The following CHGB variants were observed in gnomAD, a reference collection of about 807,000 sequenced individuals.
The protein encoded by CHGB is secretogranin-1.
Under a neutral mutation model 69.9 loss-of-function variants are expected in CHGB, and 46 were observed. The observed-to-expected ratio is 0.66, with a 90% CI of 0.52 to 0.84. The LOEUF (loss-of-function observed/expected upper bound fraction) is 0.84, where lower values mean the gene tolerates loss of function less well. CHGB is among the 40% of genes least tolerant of loss of function. The probability of loss-of-function intolerance (pLI) is 0.00; values close to 1 mark genes in which losing one functional copy is unlikely to be tolerated. For synonymous variants in CHGB, 312 were observed against 298.2 expected, an observed-to-expected ratio of 1.05 and a Z score of -0.48; for missense variants, 796 against 822.2, an observed-to-expected ratio of 0.97 and a Z score of 0.39.
chr20:5,914,691 G>A (rs942756136), intron 1 of CHGB: 1 of 152,192 alleles, frequency 6.6e-6, no homozygotes, highest in Non-Finnish European at 1.5e-5. Context: ...TTCTCAAGTA[G>A]CCATTTGGAG....
chr20:5,922,467 G>T lies in CHGB; in HGVS notation c.323G>T (p.Gly108Val). Residue 108 changes from glycine (G) to valine (V), a missense_variant, in exon 4 of 5, where the codon GGG (glycine) becomes GTG (valine). Gly to Val is a moderately radical substitution (Grantham distance 109). This residue lies in a region of CHGB where 518 missense variants were observed against 506.3 expected (regional missense o/e 1.02). Coordinates refer to ENST00000378961, the MANE Select transcript of CHGB (RefSeq NM_001819.3). Reference protein sequence around the residue: ...SSSRGEAGAPGEEDIQGPTKA... With the variant: ...SSSRGEAGAPVEEDIQGPTKA... The stretch of plus-strand genomic sequence containing the variant: ...AGCAGGGGAGAGGCAGGAGCCCCAG[G>T]GGAGGAGGACATCCAAGGCCCAACA... 6.2e-7 allele frequency: 1 copy of T among 1,613,732 alleles called. No homozygotes were observed. The highest frequency in any genetic ancestry group is 8.5e-7 in the Non-Finnish European group (1 of 1,179,708).
At chr20:5,911,985 G>A (rs1008575691) in intron 1 of CHGB, among the ~76,000 whole-genome samples, 5 of 152,286 alleles carry the variant, frequency 3.3e-5, no homozygotes, top group African/African-American at 1.2e-4. Flanking sequence ...CTCACATTTT[G>A]TATTCGCTTC....
intron 1 of CHGB, among the ~76,000 whole-genome samples, chr20:5,915,252 A>T (rs2088468811): frequency 6.6e-6 from 1 of 152,248 alleles, no homozygotes; most frequent in South Asian, 2.1e-4. Context: ...GAAAAATTAA[A>T]ATTACCTGAA....
rs546454786 is a variant in CHGB at position 5,918,110 on chromosome 20, T to C, written c.190+1191T>C. ...TGCAGTGAGCCAAGATTGAACTCCA[T>C]TGAACTCCAGCCTGGGCAACAAGAG... On this transcript the variant is annotated intron_variant, in intron 3 of 4. Coordinates refer to ENST00000378961, the MANE Select transcript of CHGB (RefSeq NM_001819.3). 757 of 124,000 alleles carry C rather than the reference T, an allele frequency of 6.1e-3. 13 individuals are homozygous for C. Among genetic ancestry groups the C allele is most frequent in the African/African-American group, 0.023 (734 of 31,978 alleles). The allele number at this position is 124,000 out of a possible 1,614,324, so 7.7% of individuals were successfully genotyped here. A position where few individuals can be genotyped will look rare whatever the true frequency, so the allele number is the denominator to read the frequency against.
In CHGB at chr20:5,925,154, A is replaced by T; in HGVS notation, c.*105A>T. 1.5e-6 allele frequency: 1 copy of T among 663,652 alleles called. No individual in the cohort carries two copies. Among genetic ancestry groups the T allele is most frequent in the Non-Finnish European group, 2.6e-6 (1 of 382,730 alleles). The allele number at this position is 663,652 out of a possible 1,614,324, so 41.1% of individuals were successfully genotyped here. On this transcript the variant is annotated 3_prime_UTR_variant, in exon 5 of 5. Transcript: ENST00000378961. ...TTATCTACCCAAGGGCAGAAAGTAG[A>T]ACTTACTATTCATTAAATGTTTGAC...
intron 1 of CHGB, among the ~76,000 whole-genome samples, chr20:5,911,956 GC>G (rs1005434610): frequency 4.6e-5 from 7 of 152,198 alleles, no homozygotes; most frequent in Non-Finnish European, 1.0e-4. Context: ...AAGAAAACGT[GC>G]CATACCTGCA....
chr20:5,913,282 C>G (rs1166333757), intron 1 of CHGB, among the ~76,000 whole-genome samples: 1 of 152,150 alleles, frequency 6.6e-6, no homozygotes, highest in East Asian at 1.9e-4. Flanking sequence ...GCAGATTGTG[C>G]AACTATTACC....
chr20:5,922,446 G>C lies in CHGB; in HGVS notation c.302G>C (p.Arg101Thr). The C allele has an allele frequency of 6.2e-7, 1 of 1,613,568 alleles. No homozygotes were observed. Among genetic ancestry groups the C allele is most frequent in the Non-Finnish European group, 8.5e-7 (1 of 1,179,470 alleles). ...DASEAHESSSRGEAGAPGEED... is the reference protein window; with the variant it reads ...DASEAHESSSTGEAGAPGEED... Reference sequence around the variant, plus strand: ...TCGGAAGCCCACGAGTCCTCCAGCAGGGGAGAGGCAGGAGCCCCAGGGGAG... The same window carrying C: ...TCGGAAGCCCACGAGTCCTCCAGCACGGGAGAGGCAGGAGCCCCAGGGGAG... Residue 101 changes from arginine to threonine, a missense_variant, in exon 4 of 5, where the codon AGG becomes ACG. Arg to Thr is a moderately conservative substitution (Grantham distance 71). Around this residue, in one of 3 missense-constraint regions of CHGB, gnomAD observed 518 missense variants for 506.3 expected, o/e 1.02. Coordinates refer to ENST00000378961, the MANE Select transcript of CHGB (RefSeq NM_001819.3).
At chr20:5,912,486 T>TA (rs10711879) in intron 1 of CHGB, among the ~76,000 whole-genome samples, 29 of 150,044 alleles carry the variant, frequency 1.9e-4, no homozygotes, top group Non-Finnish European at 2.5e-4. Context: ...TTTGGAGTAG[T>TA]AAAAAAAAAA....
chr20:5,920,026 T>G (rs1175875607), intron 3 of CHGB, among the ~76,000 whole-genome samples: 1 of 151,258 alleles, frequency 6.6e-6, no homozygotes, highest in African/African-American at 2.4e-5. Flanking sequence ...GACAGATGCA[T>G]TTCCCTGTTT....
In CHGB at chr20:5,922,839, G is replaced by A. The variant is rs6139873; in HGVS notation, c.695G>A (p.Arg232Gln). Residue 232 changes from arginine (R) to glutamine (Q), a missense_variant, in exon 4 of 5, where the codon CGA (arginine) becomes CAA (glutamine). Physicochemically the swap from Arg to Gln is conservative, Grantham distance 43. Coordinates refer to ENST00000378961, the MANE Select transcript of CHGB (RefSeq NM_001819.3). ...CATTCTCAGGAGAAGACACATAGCCGAGAGAAGAGTAGCCAGGAGAGTGGA... is the reference window on the plus strand; with the variant it reads ...CATTCTCAGGAGAAGACACATAGCCAAGAGAAGAGTAGCCAGGAGAGTGGA... ...AGHSQEKTHS[R>Q]EKSSQESGEE... The A allele has an allele frequency of 0.015, 24,003 of 1,614,050 alleles. 416 individuals are homozygous for A. Among genetic ancestry groups the A allele is most frequent in the East Asian group, 0.09 (4,050 of 44,876 alleles).
At chr20:5,916,242 A>G (rs2088474702) in intron 1 of CHGB, 84 bp from the exon 2 acceptor site, 1 of 991,404 alleles carries the variant, frequency 1.0e-6, no homozygotes, top group South Asian at 1.4e-5. Flanking sequence ...AACAACAACT[A>G]ATGTGGGGTG....
intron 3 of CHGB, among the ~76,000 whole-genome samples, chr20:5,918,584 G>A (rs1477050291): frequency 1.3e-5 from 2 of 151,538 alleles, no homozygotes; most frequent in South Asian, 2.1e-4. Context: ...AGGCTGAGGC[G>A]GGCGGATCAC....
rs758488287 is a variant in CHGB at position 5,923,715 on chromosome 20, C to A, written c.1571C>A (p.Pro524Gln). ...AAGAGATTAGGGGAACTGTTCAACC[C>A]ATACTACGACCCTCTCCAGTGGAAG... ...KRKRLGELFN[P>Q]YYDPLQWKSS... Residue 524 changes from proline (P) to glutamine (Q), a missense_variant, in exon 4 of 5, where the codon CCA becomes CAA. This residue lies in a region of CHGB where 274 missense variants were observed against 298.9 expected (regional missense o/e 0.92). Coordinates refer to ENST00000378961, the MANE Select transcript of CHGB (RefSeq NM_001819.3). 4.3e-6 allele frequency: 7 copies of A among 1,614,010 alleles called. No homozygotes were observed. In the African/African-American group the frequency reaches 9.3e-5, roughly 22 times the overall value.
intron 3 of CHGB, among the ~76,000 whole-genome samples, chr20:5,919,183 G>T (rs973945034): frequency 3.3e-5 from 5 of 152,300 alleles, no homozygotes; most frequent in South Asian, 4.1e-4. Context: ...AGGAAAAGTT[G>T]CCTATGCCTG....
chr20:5,924,206 A>C (rs1345791363), intron 4 of CHGB, 106 bp downstream of exon 4: 6 of 1,428,812 alleles, frequency 4.2e-6, no homozygotes, highest in Non-Finnish European at 5.5e-6. Flanking sequence ...GGAATTAATC[A>C]CTATGAAAAT....
intron 1 of CHGB, chr20:5,915,647 C>T (rs236143): frequency 0.19 from 29,470 of 152,126 alleles, 3,570 homozygotes; most frequent in East Asian, 0.38. Context: ...GAGAGAGAGC[C>T]ACAGATCTTT....
Position 5,922,693 on chromosome 20 carries a change from T to C in CHGB, c.549T>C (p.Ser183=). ...AAGGGGAGCGAGGGGAAGATAGCAG[T>C]GAAGAGAAACACCTTGAAGAGCCAG... ...YQKGERGEDS[S]EEKHLEEPGE... is the part of the protein sequence containing the mutation. The change falls in exon 4 of 5, where the codon AGT becomes AGC. Residue 183 remains serine, a synonymous_variant. Transcript: ENST00000378961. The C allele has an allele frequency of 6.2e-7, 1 of 1,613,652 alleles. No individual in the cohort carries two copies. The highest frequency in any genetic ancestry group is 8.5e-7 in the Non-Finnish European group (1 of 1,179,814).
rs1257759533 is a variant in CHGB at position 5,922,670 on chromosome 20, G to T, written c.526G>T (p.Gly176Trp). 1.2e-6 allele frequency: 2 copies of T among 1,614,006 alleles called. No homozygotes were observed. The highest frequency in any genetic ancestry group is 8.5e-7 in the Non-Finnish European group (1 of 1,179,916). Residue 176 changes from glycine (G) to tryptophan (W), a missense_variant, in exon 4 of 5, where the codon GGG becomes TGG. Coordinates refer to ENST00000378961, the MANE Select transcript of CHGB (RefSeq NM_001819.3). ...EEEEGENYQKGERGEDSSEEK... is the reference protein window; with the variant it reads ...EEEEGENYQKWERGEDSSEEK... Reference sequence around the variant, plus strand: ...GGAGGAGGGAGAGAACTATCAAAAAGGGGAGCGAGGGGAAGATAGCAGTGA... The same window carrying T: ...GGAGGAGGGAGAGAACTATCAAAAATGGGAGCGAGGGGAAGATAGCAGTGA...
Sources: allele counts gnomAD v4.1 joint callset (sites outside exome capture counted in the v4.1 genomes callset), GRCh38; gene constraint gnomAD v4.1.1; regional missense constraint gnomAD v4.1.1; transcripts MANE v1.5; gene names NCBI Gene and HGNC (gene_info 2026-07-23, HGNC 2026-07-21).